GABPB1: variants seen among roughly 807,000 people sequenced by gnomAD.
GABPB1 encodes the protein GA binding protein transcription factor subunit beta 1, also known as GA-binding protein subunit beta-1.
Under a neutral mutation model 45.9 loss-of-function variants are expected in GABPB1, and 15 were observed. That is an observed-to-expected ratio of 0.33 (90% CI 0.22 to 0.50). GABPB1 has a LOEUF of 0.50. GABPB1 is among the 20% of genes least tolerant of loss of function. The pLI is 0.98. For missense variants in GABPB1, 252 were observed against 457.5 expected (o/e 0.55, Z 4.10); for synonymous variants, 143 against 154.4 (o/e 0.93, Z 0.55).
rs1595850572 is a variant in GABPB1 at position 50,346,620 on chromosome 15, T to A, written c.-1+8365A>T. 5.1e-5 allele frequency among the ~76,000 whole-genome samples: 6 copies of A among 118,296 alleles called. No individual in the cohort carries two copies. In the South Asian group the frequency reaches 1.6e-3, roughly 31 times the overall value. The allele number at this position is 118,296 out of a possible 152,430, so 77.6% of individuals were successfully genotyped here. On this transcript the variant is annotated intron_variant, in intron 1 of 8. Transcript: ENST00000380877. Reference sequence around the variant, plus strand: ...TTTTTTTTTTTTGTAGAGATGGGAGTCTCACTATGGTGCCAAGGCTGGTAG... The same window carrying A: ...TTTTTTTTTTTTGTAGAGATGGGAGACTCACTATGGTGCCAAGGCTGGTAG...
chr15:50,336,971 A>G (rs2048151409), intron 1 of GABPB1, among the ~76,000 whole-genome samples: 1 of 149,538 alleles, frequency 6.7e-6, no homozygotes, highest in Non-Finnish European at 1.5e-5. Context: ...CTTGAGCCCA[A>G]GAGGTTGAGG....
In GABPB1 at chr15:50,332,567, T is replaced by A. The variant is rs566772576; in HGVS notation, c.-1+22418A>T. ...ATACTGGTATTATACTTTAAGCCCATATCTTTTATAAGAACAATATATTTA... is the reference window on the plus strand; with the variant it reads ...ATACTGGTATTATACTTTAAGCCCAAATCTTTTATAAGAACAATATATTTA... On this transcript the variant is annotated intron_variant, in intron 1 of 8. Transcript: ENST00000380877. 9.2e-5 allele frequency among the ~76,000 whole-genome samples: 14 copies of A among 152,282 alleles called. 1 individual carries two copies. The highest frequency in any genetic ancestry group is 1.9e-4 in the Non-Finnish European group (13 of 67,996).
At chr15:50,317,874 A>G (rs796252033) in intron 1 of GABPB1, among the ~76,000 whole-genome samples, 1 of 151,116 alleles carries the variant, frequency 6.6e-6, no homozygotes, top group Non-Finnish European at 1.5e-5. Flanking sequence ...GCGCCACCGC[A>G]CTCCAGCCTG....
intron 1 of GABPB1, among the ~76,000 whole-genome samples, chr15:50,316,843 T>A (rs912354841): frequency 6.6e-6 from 1 of 152,116 alleles, no homozygotes; most frequent in African/African-American, 2.4e-5. Flanking sequence ...AACTAGACAG[T>A]CATATAATAA....
chr15:50,302,642 TC>T (rs1260061583), intron 4 of GABPB1, among the ~76,000 whole-genome samples: 1 of 16,716 alleles, frequency 6.0e-5, no homozygotes, highest in African/African-American at 2.5e-4. Flanking sequence ...AGACTCTGGC[TC>T]AAAAAAAAAA....
At position 50,325,304 on chromosome 15, in the gene GABPB1, C is replaced by CA. The variant is rs35524259; in HGVS notation, c.1-15507dup. Among the ~76,000 whole-genome samples, 774 of 120,914 alleles carry CA rather than the reference C, an allele frequency of 6.4e-3. 10 individuals are homozygous for CA. The highest frequency in any genetic ancestry group is 0.025 in the East Asian group (69 of 2,792). The allele number at this position is 120,914 out of a possible 152,430, so 79.3% of individuals were successfully genotyped here. ...GCACTAAGGCAATATGATGTTATGC[C>CA]AAAAAAAAAAAAAAAAAAGGCACGG... On this transcript the variant is annotated intron_variant, in intron 1 of 8. Coordinates refer to ENST00000380877, the MANE Select transcript of GABPB1 (RefSeq NM_016654.5).
intron 1 of GABPB1, among the ~76,000 whole-genome samples, chr15:50,339,424 G>A (rs1269365778): frequency 1.3e-5 from 2 of 151,962 alleles, no homozygotes; most frequent in Admixed American, 6.6e-5. Context: ...ACTTGAACCT[G>A]GGAAGCAGAG....
At chr15:50,306,356 G>A (rs1226151093) in intron 2 of GABPB1, among the ~76,000 whole-genome samples, 1 of 152,174 alleles carries the variant, frequency 6.6e-6, no homozygotes, top group Non-Finnish European at 1.5e-5. Flanking sequence ...CTGGCCAGGC[G>A]CAGTGGCTCA....
chr15:50,281,506 C>T (rs938572107), intron 8 of GABPB1, among the ~76,000 whole-genome samples: 7 of 152,184 alleles, frequency 4.6e-5, no homozygotes, highest in Admixed American at 1.3e-4. Flanking sequence ...CCACTGCGCC[C>T]GGCCTAAATG....
Position 50,285,880 on chromosome 15 carries a change from T to C in GABPB1, c.999+188A>G. 1 of 1,356,900 alleles carries C rather than the reference T, an allele frequency of 7.4e-7. No individual in the cohort carries two copies. The highest frequency in any genetic ancestry group is 1.9e-5 in the South Asian group (1 of 51,492). 84.1% of individuals were successfully genotyped at this position (1,356,900 alleles called of 1,614,324 possible). A position where few individuals can be genotyped will look rare whatever the true frequency, so the allele number is the denominator to read the frequency against. On this transcript the variant is annotated intron_variant, in intron 8 of 8. Coordinates refer to ENST00000380877, the MANE Select transcript of GABPB1 (RefSeq NM_016654.5). ...TATAAACAAATTCTTCACTCACTCA[T>C]TCATTCATTCAATATTTATTTATTG...
chr15:50,315,217 G>C (rs754301017), intron 1 of GABPB1, among the ~76,000 whole-genome samples: 1 of 151,932 alleles, frequency 6.6e-6, no homozygotes, highest in Non-Finnish European at 1.5e-5. Flanking sequence ...CCACAGCCTC[G>C]ACCTCCCAGG....
chr15:50,300,429 GTTTTTGGTTTT>G (rs1447718494), intron 6 of GABPB1, among the ~76,000 whole-genome samples: 18 of 72,174 alleles, frequency 2.5e-4, no homozygotes, highest in African/African-American at 6.1e-4. Context: ...ATCTGCAACT[GTTTTTGGTTTT>G]TTTTTTTTTT....
intron 1 of GABPB1, among the ~76,000 whole-genome samples, chr15:50,345,668 C>G (rs2048542080): frequency 6.6e-6 from 1 of 152,010 alleles, no homozygotes; most frequent in Admixed American, 6.6e-5. Context: ...AGCAGTTCAT[C>G]AAAATTGATT....
intron 1 of GABPB1, among the ~76,000 whole-genome samples, chr15:50,328,951 A>T (rs74012355): frequency 4.8e-4 from 73 of 152,230 alleles, no homozygotes; most frequent in African/African-American, 1.8e-3. Context: ...AGCCACCTCC[A>T]TTTGTTCTAT....
At chr15:50,346,207 C>G (rs528478637) in intron 1 of GABPB1, among the ~76,000 whole-genome samples, 1 of 151,862 alleles carries the variant, frequency 6.6e-6, no homozygotes, top group Non-Finnish European at 1.5e-5. Context: ...TCCTTTTTCA[C>G]TTATATAGAA....
intron 6 of GABPB1, among the ~76,000 whole-genome samples, chr15:50,300,205 T>A (rs1158831422): frequency 1.3e-5 from 2 of 152,130 alleles, no homozygotes; most frequent in African/African-American, 4.8e-5. Flanking sequence ...GTTTTGTTTT[T>A]CAATTAGTTA....
At chr15:50,343,723 G>A (rs1241122373) in intron 1 of GABPB1, among the ~76,000 whole-genome samples, 1 of 152,002 alleles carries the variant, frequency 6.6e-6, no homozygotes, top group Non-Finnish European at 1.5e-5. Context: ...ATTTTTAGTA[G>A]AGATGAGGTT....
chr15:50,295,768 C>T (rs892977090), intron 6 of GABPB1, among the ~76,000 whole-genome samples: 1 of 152,004 alleles, frequency 6.6e-6, no homozygotes, highest in Non-Finnish European at 1.5e-5. Flanking sequence ...CATTCCCCTC[C>T]ACCACACCCA....
intron 1 of GABPB1, chr15:50,354,644 G>A (rs1334910784): frequency 2.3e-6 from 1 of 434,954 alleles, no homozygotes; most frequent in South Asian, 1.6e-5. Flanking sequence ...TCGCCACCCC[G>A]GGGCTGCCGC....
Sources: gnomAD v4.1 joint callset for allele counts (sites outside exome capture counted in the v4.1 genomes callset) on GRCh38, gnomAD v4.1.1 for gene constraint, MANE v1.5 for transcripts, NCBI Gene and HGNC (gene_info 2026-07-23, HGNC 2026-07-21) for gene names.